RUSC2: variants seen among roughly 807,000 people sequenced by gnomAD.
RUSC2 encodes AP-4 complex accessory subunit RUSC2.
A neutral mutation model predicts 122.2 loss-of-function variants in RUSC2; 34 were observed. That is an observed-to-expected ratio of 0.28 (90% confidence interval 0.21 to 0.37). The LOEUF (loss-of-function observed/expected upper bound fraction) is 0.37, where lower values mean the gene tolerates loss of function less well. RUSC2 is among the 10% of genes least tolerant of loss of function. RUSC2 has a pLI of 1.00. For missense variants in RUSC2, 1,747 were observed against 1,952.4 expected, an observed-to-expected ratio of 0.89 and a Z score of 1.98; for synonymous variants, 784 against 790.0, an observed-to-expected ratio of 0.99 and a Z score of 0.13.
chr9:35,515,478 A>G (rs1206914135), intron 1 of RUSC2, among the ~76,000 whole-genome samples: 1 of 152,056 alleles, frequency 6.6e-6, no homozygotes, highest in African/African-American at 2.4e-5. Context: ...ACAAGACCCA[A>G]ATTAAGGGAT....
Position 35,494,335 on chromosome 9 carries a change from G to A in RUSC2, c.-93+4163G>A, listed in dbSNP as rs374401069. The stretch of plus-strand genomic sequence containing the variant: ...ACAAAAATTAGCCAGGCATGGTGGC[G>A]CACACCTATAATCCCTGAGGCAGGA... On this transcript the variant is annotated intron_variant, in intron 1 of 11. Transcript: ENST00000361226. 6.0e-4 allele frequency among the ~76,000 whole-genome samples: 91 copies of A among 152,056 alleles called. No individual in the cohort carries two copies. In the Middle Eastern group the frequency reaches 0.01, roughly 17 times the overall value.
At chr9:35,524,278 G>A (rs1251075178) in intron 1 of RUSC2, among the ~76,000 whole-genome samples, 3 of 152,192 alleles carry the variant, frequency 2.0e-5, no homozygotes, top group East Asian at 1.9e-4. Flanking sequence ...TCCAGCCTGG[G>A]CAACAGGGTG....
At chr9:35,501,018 A>G (rs548223596) in intron 1 of RUSC2, among the ~76,000 whole-genome samples, 2 of 152,338 alleles carry the variant, frequency 1.3e-5, no homozygotes, top group East Asian at 1.9e-4. Flanking sequence ...TCTTATGAGG[A>G]AAAAAAGACA....
chr9:35,503,674 C>T lies in RUSC2; in HGVS notation c.-93+13502C>T, dbSNP rs141961276. 4.2e-3 allele frequency among the ~76,000 whole-genome samples: 636 copies of T among 152,116 alleles called. 2 individuals carry two copies. The highest frequency in any genetic ancestry group is 7.2e-3 in the Non-Finnish European group (489 of 68,006). ...TTGTACTTTCAGTTCTTTAAGGAATCGCCATACTGTTTTCCATAGTGGTTG... is the reference window on the plus strand; with the variant it reads ...TTGTACTTTCAGTTCTTTAAGGAATTGCCATACTGTTTTCCATAGTGGTTG... On this transcript the variant is annotated intron_variant, in intron 1 of 11. Coordinates refer to ENST00000361226, the MANE Select transcript of RUSC2 (RefSeq NM_014806.5).
chr9:35,561,805 C>G lies in RUSC2; in HGVS notation c.*423C>G. ...TAGGCTGTGGCCAGTGCCTGGTCAT[C>G]AGAAGAGGGAGGAGGAGCCCAGGCG... On this transcript the variant is annotated 3_prime_UTR_variant, in exon 12 of 12. Transcript: ENST00000361226. 1 of 579,220 alleles carries G rather than the reference C, an allele frequency of 1.7e-6. No homozygotes were observed. Among genetic ancestry groups the G allele is most frequent in the Admixed American group, 2.8e-5 (1 of 35,844 alleles). 35.9% of individuals were successfully genotyped at this position (579,220 alleles called of 1,614,324 possible). A position where few individuals can be genotyped will look rare whatever the true frequency, so the allele number is the denominator to read the frequency against.
chr9:35,561,840 G>T lies in RUSC2; in HGVS notation c.*458G>T, dbSNP rs1822190379. ...AGGAGGAGCCCAGGCGTCTGTTTATGTATTTATTTATTTATTTATTATACC... is the reference window on the plus strand; with the variant it reads ...AGGAGGAGCCCAGGCGTCTGTTTATTTATTTATTTATTTATTTATTATACC... On this transcript the variant is annotated 3_prime_UTR_variant, in exon 12 of 12. Coordinates refer to ENST00000361226, the MANE Select transcript of RUSC2 (RefSeq NM_014806.5). 3.2e-6 allele frequency: 2 copies of T among 622,332 alleles called. No homozygotes were observed. Among genetic ancestry groups the T allele is most frequent in the African/African-American group, 1.8e-5 (1 of 54,350 alleles). The allele number at this position is 622,332 out of a possible 1,614,324, so 38.6% of individuals were successfully genotyped here.
chr9:35,560,334 G>A lies in RUSC2; in HGVS notation c.3694G>A (p.Val1232Met). 6.2e-7 allele frequency: 1 copy of A among 1,609,974 alleles called. No individual in the cohort carries two copies. Among genetic ancestry groups the A allele is most frequent in the Non-Finnish European group, 8.5e-7 (1 of 1,177,902 alleles). Reference sequence around the variant, plus strand: ...AGCCCAAGGGGAGCGGGTGAAGGGTGTGGGTGCCTCAGAAGGTGGAGAAGA... The same window carrying A: ...AGCCCAAGGGGAGCGGGTGAAGGGTATGGGTGCCTCAGAAGGTGGAGAAGA... ...RAAQGERVKG[V>M]GASEGGEEEE... The change falls in exon 10 of 12, where the codon GTG (valine) becomes ATG (methionine). Residue 1232 changes from valine to methionine, a missense_variant. Transcript: ENST00000361226.
At chr9:35,510,749 G>A (rs756666774) in intron 1 of RUSC2, among the ~76,000 whole-genome samples, 17 of 152,234 alleles carry the variant, frequency 1.1e-4, no homozygotes, top group Non-Finnish European at 2.2e-4. Flanking sequence ...AACTCTTCTA[G>A]AGCACTGTTG....
intron 1 of RUSC2, among the ~76,000 whole-genome samples, chr9:35,511,531 G>A (rs1821010991): frequency 6.6e-6 from 1 of 152,178 alleles, no homozygotes; most frequent in African/African-American, 2.4e-5. Context: ...AACTAAGTAT[G>A]TGTAAATATG....
chr9:35,542,182 G>A (rs560821204), intron 1 of RUSC2, among the ~76,000 whole-genome samples: 17 of 152,262 alleles, frequency 1.1e-4, no homozygotes, highest in African/African-American at 4.1e-4. Context: ...TCTTGGTTGT[G>A]TGGAGATCAG....
At chr9:35,491,246 T>C (rs1287521134) in intron 1 of RUSC2, among the ~76,000 whole-genome samples, 1 of 152,154 alleles carries the variant, frequency 6.6e-6, no homozygotes, top group Non-Finnish European at 1.5e-5. Flanking sequence ...GATGAAACAA[T>C]GGCTGGAAAG....
intron 1 of RUSC2, among the ~76,000 whole-genome samples, chr9:35,517,519 A>G (rs1013415907): frequency 6.6e-6 from 1 of 152,162 alleles, no homozygotes; most frequent in Admixed American, 6.5e-5. Context: ...ACAGGGGAGA[A>G]TTAGCTTTGT....
chr9:35,558,322 G>A lies in RUSC2; in HGVS notation c.3186G>A (p.Gly1062=). The change falls in exon 7 of 12, where the codon GGG becomes GGA. Residue 1062 remains glycine (G), a synonymous_variant. Transcript: ENST00000361226. This position sits in a 1 kb window ranked among gnomAD's most constrained non-coding sequence, Gnocchi z 4.3. ...CCTTTGTACTGGACGTCATCATCGG[G>A]CAGCGTAAGAACATGCCATGGAGTG... ...LKAFVLDVII[G]QRKNMPWSVV... is the part of the protein sequence containing the mutation. The A allele has an allele frequency of 6.2e-7, 1 of 1,614,166 alleles. No individual in the cohort carries two copies. The highest frequency in any genetic ancestry group is 8.5e-7 in the Non-Finnish European group (1 of 1,180,030).
At chr9:35,517,670 G>T (rs1416161498) in intron 1 of RUSC2, among the ~76,000 whole-genome samples, 1 of 152,142 alleles carries the variant, frequency 6.6e-6, no homozygotes, top group Non-Finnish European at 1.5e-5. Context: ...CAAACCAGAG[G>T]TGGGGATTAT....
chr9:35,491,872 C>G (rs1336416323), intron 1 of RUSC2, among the ~76,000 whole-genome samples: 1 of 152,146 alleles, frequency 6.6e-6, no homozygotes, highest in Non-Finnish European at 1.5e-5. Context: ...ACTCAGGAGG[C>G]TGAGGCAGGA....
chr9:35,523,773 C>T (rs752004480), intron 1 of RUSC2, among the ~76,000 whole-genome samples: 16 of 151,352 alleles, frequency 1.1e-4, no homozygotes, highest in African/African-American at 3.6e-4. Context: ...CAAGATAGGG[C>T]CACTGCATTC....
At chr9:35,520,542 G>T (rs1324100453) in intron 1 of RUSC2, among the ~76,000 whole-genome samples, 1 of 152,168 alleles carries the variant, frequency 6.6e-6, no homozygotes, top group Non-Finnish European at 1.5e-5. Flanking sequence ...TTGGATAGCA[G>T]CTTCCTAGTC....
At chr9:35,502,667 A>G (rs1820837607) in intron 1 of RUSC2, among the ~76,000 whole-genome samples, 2 of 152,242 alleles carry the variant, frequency 1.3e-5, no homozygotes, top group Non-Finnish European at 2.9e-5. Context: ...GTATAAAATG[A>G]AAAGATATCA....
Position 35,547,977 on chromosome 9 carries a change from C to T in RUSC2, c.1456C>T (p.Pro486Ser). 1 of 1,614,128 alleles carries T rather than the reference C, an allele frequency of 6.2e-7. No homozygotes were observed. Among genetic ancestry groups the T allele is most frequent in the Non-Finnish European group, 8.5e-7 (1 of 1,180,020 alleles). Residue 486 changes from proline to serine, a missense_variant, in exon 2 of 12, where the codon CCC (proline) becomes TCC (serine). By Grantham distance (74) the Pro-to-Ser change is moderately conservative. Coordinates refer to ENST00000361226, the MANE Select transcript of RUSC2 (RefSeq NM_014806.5). This position sits in a 1 kb window ranked among gnomAD's most constrained non-coding sequence, Gnocchi z 4.6. ...GGGACAAGTATACACGAATACTTCA[C>T]CCCCCAACCTCAGCACTGGACGTCA... is the stretch of plus-strand genomic sequence containing the variant. ...LEGQVYTNTS[P>S]PNLSTGRQRS...
Sources: allele counts gnomAD v4.1 joint callset (sites outside exome capture counted in the v4.1 genomes callset), GRCh38; gene constraint gnomAD v4.1.1; non-coding constraint Gnocchi (gnomAD v3.1); transcripts MANE v1.5; gene names NCBI Gene and HGNC (gene_info 2026-07-23, HGNC 2026-07-21).